RALGPS1: variants seen among roughly 807,000 people sequenced by gnomAD.
The protein encoded by RALGPS1 is Ral GEF with PH domain and SH3 binding motif 1, also known as ras-specific guanine nucleotide-releasing factor RalGPS1.
RALGPS1 carries 19 observed loss-of-function variants against 78.8 expected under a neutral mutation model. The ratio of observed to expected loss-of-function variants is 0.24; its 90% CI spans 0.17 to 0.35. The LOEUF (loss-of-function observed/expected upper bound fraction) is 0.35, where lower values mean the gene tolerates loss of function less well. Ranked by LOEUF, RALGPS1 falls within the 10% of genes least tolerant of loss-of-function variation. The pLI is 1.00. For missense variants in RALGPS1, 454 were observed against 688.3 expected (o/e 0.66, Z 3.81); for synonymous variants, 228 against 256.3 (o/e 0.89, Z 1.06).
At chr9:127,007,609 GAGA>G (rs771740927) in intron 4 of RALGPS1, among the ~76,000 whole-genome samples, 1 of 152,192 alleles carries the variant, frequency 6.6e-6, no homozygotes, top group Non-Finnish European at 1.5e-5. Flanking sequence ...TGGTAAAGGG[GAGA>G]AGGAGTTTTT....
At chr9:127,153,849 G>A (rs1338328421) in intron 8 of RALGPS1, among the ~76,000 whole-genome samples, 3 of 152,216 alleles carry the variant, frequency 2.0e-5, no homozygotes, top group African/African-American at 2.4e-5. Context: ...TGCTGCTGGA[G>A]AACCAGTGCA....
At chr9:127,042,022 T>C (rs1237204338) in intron 5 of RALGPS1, among the ~76,000 whole-genome samples, 2 of 152,206 alleles carry the variant, frequency 1.3e-5, no homozygotes, top group Non-Finnish European at 1.5e-5. Context: ...CTAAGAAAAC[T>C]GTGAATGGAC....
rs2062750691 is a variant in RALGPS1, at chr9:127,220,701, A to G, written c.*1932A>G. On this transcript the variant is annotated 3_prime_UTR_variant, in exon 19 of 19. Transcript: ENST00000259351. The stretch of plus-strand genomic sequence containing the variant: ...TTTAACCTACATTGAATCTGATTCT[A>G]CCTGTTAACTTTTAAAAAGTCGTAA... 6.6e-6 allele frequency: 1 copy of G among 152,240 alleles called. No individual in the cohort carries two copies. The highest frequency in any genetic ancestry group is 6.5e-5 in the Admixed American group (1 of 15,282). 9.4% of individuals were successfully genotyped at this position (152,240 alleles called of 1,614,324 possible).
chr9:127,168,860 T>C (rs907440085), intron 10 of RALGPS1, 88 bp downstream of exon 10: 28 of 1,080,936 alleles, frequency 2.6e-5, no homozygotes, highest in Non-Finnish European at 3.8e-5. Context: ...TAGCCCTTGT[T>C]GGGACCAGTG....
At chr9:127,052,644 C>T (rs546627338) in intron 6 of RALGPS1, among the ~76,000 whole-genome samples, 3 of 152,190 alleles carry the variant, frequency 2.0e-5, no homozygotes, top group East Asian at 1.9e-4. Flanking sequence ...GTCAGACTCA[C>T]GTTTTAGATG....
intron 4 of RALGPS1, among the ~76,000 whole-genome samples, chr9:127,005,821 C>T (rs181752390): frequency 5.5e-4 from 84 of 152,244 alleles, no homozygotes; most frequent in African/African-American, 2.0e-3. Flanking sequence ...ATAGATGTTG[C>T]TGAAAAGTGG....
At chr9:127,018,299 A>C (rs2045075844) in intron 4 of RALGPS1, among the ~76,000 whole-genome samples, 2 of 124,484 alleles carry the variant, frequency 1.6e-5, no homozygotes, top group Admixed American at 1.6e-4. Context: ...AGGCTATTTT[A>C]TAGTTAACTT....
intron 1 of RALGPS1, among the ~76,000 whole-genome samples, chr9:126,931,973 A>G (rs982023085): frequency 7.2e-5 from 9 of 124,344 alleles, no homozygotes; most frequent in African/African-American, 2.2e-4. Flanking sequence ...AGCATAGTCC[A>G]CAGACATGTT....
At chr9:127,036,570 C>T (rs190963767) in intron 5 of RALGPS1, among the ~76,000 whole-genome samples, 1 of 152,270 alleles carries the variant, frequency 6.6e-6, no homozygotes, top group Admixed American at 6.5e-5. Flanking sequence ...TGAAGATCAG[C>T]TGATTGGGAG....
chr9:126,979,643 G>A (rs555931950), intron 4 of RALGPS1, among the ~76,000 whole-genome samples: 47 of 152,328 alleles, frequency 3.1e-4, no homozygotes, highest in Admixed American at 9.8e-4. Context: ...GGAGGGAGGC[G>A]GGTGGGGGCT....
intron 7 of RALGPS1, among the ~76,000 whole-genome samples, chr9:127,057,145 G>A (rs771814918): frequency 6.6e-6 from 1 of 152,202 alleles, no homozygotes; most frequent in Non-Finnish European, 1.5e-5. Flanking sequence ...TCTTCTTGGC[G>A]GGTATGCTGG....
intron 8 of RALGPS1, among the ~76,000 whole-genome samples, chr9:127,151,651 C>T (rs1468331324): frequency 2.0e-5 from 3 of 152,062 alleles, no homozygotes; most frequent in Non-Finnish European, 4.4e-5. Context: ...TGAGTCTTTG[C>T]AAGAGTTTTT....
At chr9:126,996,233 G>C (rs1440366296) in intron 4 of RALGPS1, among the ~76,000 whole-genome samples, 1 of 152,156 alleles carries the variant, frequency 6.6e-6, no homozygotes, top group Non-Finnish European at 1.5e-5. Context: ...AAAAATTAAT[G>C]AATCCAGGAG....
chr9:127,054,486 G>T (rs1454623778), intron 7 of RALGPS1, among the ~76,000 whole-genome samples: 1 of 152,136 alleles, frequency 6.6e-6, no homozygotes, highest in Non-Finnish European at 1.5e-5. Context: ...AGGGTCTTGC[G>T]CAGAGATACG....
At chr9:126,925,058 T>C (rs1588460438) in intron 1 of RALGPS1, among the ~76,000 whole-genome samples, 1 of 148,254 alleles carries the variant, frequency 6.7e-6, no homozygotes, top group African/African-American at 2.5e-5. Context: ...ACCTGGGAGG[T>C]GGAGGTTGCG....
intron 7 of RALGPS1, among the ~76,000 whole-genome samples, chr9:127,053,350 A>C (rs1564491965): frequency 6.6e-6 from 1 of 152,180 alleles, no homozygotes. Flanking sequence ...TCTCTGGAGA[A>C]ACCTGTGACC....
At chr9:126,968,694 A>AAT (rs1157405619) in intron 3 of RALGPS1, among the ~76,000 whole-genome samples, 1 of 152,238 alleles carries the variant, frequency 6.6e-6, no homozygotes, top group Non-Finnish European at 1.5e-5. Context: ...GGGCTGTCTG[A>AAT]CACTGTAGAC....
rs962115846 is a variant in RALGPS1 at position 127,091,622 on chromosome 9, GA to G, written c.610+22267del. ...GGAGTCAGGGGCTCTGGCTCTGGTT[GA>G]CCTCTTTTCCCTACCCTGCACCTGG... On this transcript the variant is annotated intron_variant, in intron 8 of 18. Transcript: ENST00000259351. The surrounding 1 kb of genome is among the most constrained non-coding windows in gnomAD (Gnocchi z 4.3). 14 of 1,585,702 alleles carry G rather than the reference GA, an allele frequency of 8.8e-6. No homozygotes were observed. The highest frequency in any genetic ancestry group is 1.1e-5 in the Non-Finnish European group (13 of 1,164,546).
chr9:127,205,168 A>G lies in RALGPS1; in HGVS notation c.1247+6102A>G, dbSNP rs1441745513. On this transcript the variant is annotated intron_variant, in intron 14 of 18. Transcript: ENST00000259351. This position sits in a 1 kb window ranked among gnomAD's most constrained non-coding sequence, Gnocchi z 4.0. ...CTTCAGTGCTCTGGACAGTTGGCCT[A>G]TCTCTCCTGCATGAGACTCAGAGAC... Among the ~76,000 whole-genome samples the G allele has an allele frequency of 1.3e-5, 2 of 152,186 alleles. No homozygotes were observed.
Sources: allele counts gnomAD v4.1 joint callset (sites outside exome capture counted in the v4.1 genomes callset), GRCh38; gene constraint gnomAD v4.1.1; non-coding constraint Gnocchi (gnomAD v3.1); transcripts MANE v1.5; gene names NCBI Gene and HGNC (gene_info 2026-07-23, HGNC 2026-07-21).